The following NCOA2 variants were observed in gnomAD, a reference collection of about 807,000 sequenced individuals.
NCOA2 encodes the protein class E basic helix-loop-helix protein 75.
A neutral mutation model predicts 145.1 loss-of-function variants in NCOA2; 21 were observed. The observed-to-expected ratio is 0.14, with a 90% CI of 0.10 to 0.21. NCOA2 has a LOEUF of 0.21. Ranked by LOEUF, NCOA2 falls within the 10% of genes least tolerant of loss-of-function variation. The pLI, the probability that NCOA2 is intolerant of heterozygous loss-of-function variation, is 1.00. For missense variants in NCOA2, 1,472 were observed against 1,837.6 expected, an observed-to-expected ratio of 0.80 and a Z score of 3.64; for synonymous variants, 619 against 637.5, an observed-to-expected ratio of 0.97 and a Z score of 0.44.
In NCOA2 at chr8:70,174,678, T is replaced by C. The variant is rs1307963499; in HGVS notation, c.363+78A>G. 4.5e-6 allele frequency: 6 copies of C among 1,330,910 alleles called. No homozygotes were observed. In the South Asian group the frequency reaches 4.7e-5, roughly 10 times the overall value. The allele number at this position is 1,330,910 out of a possible 1,614,324, so 82.4% of individuals were successfully genotyped here. ...ACTAGTGTGGATTCTCCTTAAATTA[T>C]ATTCACCTGAAATTAAATGTAATAA... On this transcript the variant is annotated intron_variant, in intron 5 of 22. Transcript: ENST00000452400.
the NCOA2 span, among the ~76,000 whole-genome samples, chr8:70,435,424 CAAAAAA>C: frequency 3.5e-4 from 7 of 20,152 alleles, no homozygotes; most frequent in African/African-American, 1.1e-3. Context: ...GACTCCGTCT[CAAAAAA>C]AAAAAAAAAA....
At chr8:70,301,440 G>C (rs1827477548) in intron 1 of NCOA2, among the ~76,000 whole-genome samples, 1 of 151,810 alleles carries the variant, frequency 6.6e-6, no homozygotes, top group African/African-American at 2.4e-5. Context: ...TATCACTTGA[G>C]CCCAGGAGTT....
At chr8:70,232,554 A>C (rs1303546806) in intron 2 of NCOA2, among the ~76,000 whole-genome samples, 2 of 152,012 alleles carry the variant, frequency 1.3e-5, no homozygotes, top group Non-Finnish European at 2.9e-5. Flanking sequence ...AGCCAACTCC[A>C]TCTTCAACAT....
intron 1 of NCOA2, among the ~76,000 whole-genome samples, chr8:70,392,731 C>T (rs1563840088): frequency 6.6e-6 from 1 of 152,282 alleles, no homozygotes; most frequent in East Asian, 1.9e-4. Context: ...CCTTTTCCTC[C>T]TCTATCCACT....
upstream of NCOA2, among the ~76,000 whole-genome samples, chr8:70,405,154 C>T (rs548806892): frequency 3.3e-5 from 5 of 152,110 alleles, no homozygotes; most frequent in Non-Finnish European, 4.4e-5. Flanking sequence ...GGATGTGAGC[C>T]CAGTTCTGGT....
intron 2 of NCOA2, among the ~76,000 whole-genome samples, chr8:70,287,161 T>C (rs574304569): frequency 2.0e-5 from 3 of 152,230 alleles, no homozygotes; most frequent in African/African-American, 7.2e-5. Context: ...GGAGGATCAA[T>C]CTAGCTCGGG....
rs567693378 is a variant in NCOA2 at position 70,127,043 on chromosome 8, G to A, written c.3686C>T (p.Pro1229Leu). ...TLRPGVPTQAPINAQMLAQRQ... is the reference protein window; with the variant it reads ...TLRPGVPTQALINAQMLAQRQ... ...CTGGGCCAGCATCTGTGCATTAATA[G>A]GTGCCTGAAATCCGGGGCAACACAT... The change falls in exon 19 of 23, where the codon CCT (proline) becomes CTT (leucine). Residue 1229 changes from proline to leucine, a missense_variant. This residue lies in a region of NCOA2 where 953 missense variants were observed against 1,062.1 expected (regional missense o/e 0.90). Transcript: ENST00000452400. 2 of 1,607,032 alleles carry A rather than the reference G, an allele frequency of 1.2e-6. No homozygotes were observed. Among genetic ancestry groups the A allele is most frequent in the Non-Finnish European group, 1.7e-6 (2 of 1,176,070 alleles).
the NCOA2 span, among the ~76,000 whole-genome samples, chr8:70,435,242 G>A: frequency 8.6e-5 from 13 of 150,708 alleles, no homozygotes; most frequent in Admixed American, 2.6e-4. Flanking sequence ...TGGCTAACAC[G>A]GTGAAACCCC....
At chr8:70,117,486 G>C (rs1807272004) in intron 22 of NCOA2, among the ~76,000 whole-genome samples, 3 of 152,230 alleles carry the variant, frequency 2.0e-5, no homozygotes, top group African/African-American at 7.2e-5. Flanking sequence ...CAAAAATGTA[G>C]CTGAATATTT....
chr8:70,198,135 C>T (rs1586058264), intron 4 of NCOA2, among the ~76,000 whole-genome samples: 1 of 152,088 alleles, frequency 6.6e-6, no homozygotes. Flanking sequence ...TATTAAGTAT[C>T]TCTTATGTAC....
At chr8:70,193,003 GTTGCAGTGAGCCGAGA>G (rs1238013358) in intron 4 of NCOA2, among the ~76,000 whole-genome samples, 1 of 145,842 alleles carries the variant, frequency 6.9e-6, no homozygotes, top group East Asian at 2.0e-4. Flanking sequence ...GGAGGCAGAG[GTTGCAGTGAGCCGAGA>G]TTGCACCACT....
chr8:70,247,761 A>G (rs1822752706), intron 2 of NCOA2, among the ~76,000 whole-genome samples: 2 of 152,348 alleles, frequency 1.3e-5, no homozygotes, highest in African/African-American at 4.8e-5. Context: ...CGGCGCTTTT[A>G]CAAATTATTT....
At chr8:70,140,699 T>A (rs1036250542) in intron 14 of NCOA2, among the ~76,000 whole-genome samples, 3 of 144,076 alleles carry the variant, frequency 2.1e-5, no homozygotes. Context: ...TCCCAGGAAG[T>A]GATTCTCCTG....
At chr8:70,342,521 A>G (rs555502769) in intron 1 of NCOA2, among the ~76,000 whole-genome samples, 2 of 152,214 alleles carry the variant, frequency 1.3e-5, no homozygotes, top group East Asian at 3.9e-4. Flanking sequence ...TTAATACTGC[A>G]TTAAATACTT....
intron 4 of NCOA2, among the ~76,000 whole-genome samples, chr8:70,194,057 A>G (rs1816984907): frequency 6.6e-6 from 1 of 152,246 alleles, no homozygotes; most frequent in South Asian, 2.1e-4. Flanking sequence ...CTGGAAGAGC[A>G]GAATCCAAGT....
In NCOA2 at chr8:70,110,653, G is replaced by C. The variant is rs958165882; in HGVS notation, c.*2979C>G. 4.7e-6 allele frequency: 1 copy of C among 212,612 alleles called. No homozygotes were observed. The highest frequency in any genetic ancestry group is 2.3e-5 in the African/African-American group (1 of 44,238). 13.2% of individuals were successfully genotyped at this position (212,612 alleles called of 1,614,324 possible). A position where few individuals can be genotyped will look rare whatever the true frequency, so the allele number is the denominator to read the frequency against. ...CCCATTTCATGTGTTAAGCCCATAT[G>C]AACTCCATTTTTGAACACAGATTAA... On this transcript the variant is annotated 3_prime_UTR_variant, in exon 23 of 23. Transcript: ENST00000452400.
intron 2 of NCOA2, among the ~76,000 whole-genome samples, chr8:70,267,807 C>T (rs775370519): frequency 1.5e-4 from 23 of 152,098 alleles, no homozygotes; most frequent in Non-Finnish European, 2.1e-4. Context: ...TCACATAAGG[C>T]ACAAACGTTA....
At chr8:70,265,261 T>C (rs1475763613) in intron 2 of NCOA2, among the ~76,000 whole-genome samples, 2 of 152,128 alleles carry the variant, frequency 1.3e-5, no homozygotes, top group Non-Finnish European at 2.9e-5. Context: ...CTCCCTGCCA[T>C]GTGAGGATGC....
chr8:70,195,877 G>C (rs1293437774), intron 4 of NCOA2, among the ~76,000 whole-genome samples: 2 of 152,158 alleles, frequency 1.3e-5, no homozygotes, highest in African/African-American at 2.4e-5. Context: ...ATCTTCTTGT[G>C]CTCCACACCA....
Sources: gnomAD v4.1 joint callset for allele counts (sites outside exome capture counted in the v4.1 genomes callset) on GRCh38, gnomAD v4.1.1 for gene constraint, gnomAD v4.1.1 regional missense constraint, MANE v1.5 for transcripts, NCBI Gene and HGNC (gene_info 2026-07-23, HGNC 2026-07-21) for gene names.